The following GCDH variants were observed in gnomAD, a reference collection of about 807,000 sequenced individuals.
GCDH encodes glutaryl-CoA dehydrogenase, also known as glutaryl-CoA dehydrogenase, mitochondrial.
GCDH carries 31 observed loss-of-function variants against 52.8 expected under a neutral mutation model. That is an observed-to-expected ratio of 0.59 (90% CI 0.44 to 0.79). The LOEUF is 0.79. Ranked by LOEUF, GCDH falls within the 30% of genes least tolerant of loss-of-function variation. The pLI is 0.00. For synonymous variants in GCDH, 242 were observed against 250.0 expected (o/e 0.97, Z 0.30); for missense variants, 509 against 595.0 (o/e 0.86, Z 1.50).
chr19:12,894,215 A>C, intron 6 of GCDH: 2 of 1,416,964 alleles, frequency 1.4e-6, no homozygotes, highest in Non-Finnish European at 2.0e-6. Flanking sequence ...TGTACTTTTT[A>C]TGAGAAGCGT....
intron 3 of GCDH, 102 bp from the exon 4 acceptor site, chr19:12,891,729 C>G: frequency 1.2e-6 from 2 of 1,606,512 alleles, no homozygotes; most frequent in Non-Finnish European, 1.7e-6. Context: ...CTCGCACTAG[C>G]CGGGGGGCGA....
At position 12,896,539 on chromosome 19, in the gene GCDH, T is replaced by A. The variant is rs1243641887; in HGVS notation, c.852+118T>A. The A allele has an allele frequency of 6.0e-6, 5 of 832,690 alleles. No individual in the cohort carries two copies. The highest frequency in any genetic ancestry group is 9.9e-6 in the Non-Finnish European group (5 of 504,992). 51.6% of individuals were successfully genotyped at this position (832,690 alleles called of 1,614,324 possible). The stretch of plus-strand genomic sequence containing the variant: ...CCTGTGGAGCCCACACAGTGGTGAT[T>A]CTTACTCAGCCGGACTCGCTGACGT... On this transcript the variant is annotated intron_variant, in intron 8 of 11. Coordinates refer to ENST00000222214, the MANE Select transcript of GCDH (RefSeq NM_000159.4). The surrounding 1 kb of genome is among the most constrained non-coding windows in gnomAD (Gnocchi z 5.5).
intron 6 of GCDH, 105 bp from the exon 7 acceptor site, chr19:12,895,887 T>C (rs1970663132): frequency 7.0e-7 from 1 of 1,430,666 alleles, no homozygotes; most frequent in Non-Finnish European, 9.7e-7. Flanking sequence ...CCTAAAGTGC[T>C]GGGATGACAG....
intron 6 of GCDH, among the ~76,000 whole-genome samples, chr19:12,895,324 A>G (rs769499660): frequency 1.3e-5 from 2 of 152,134 alleles, no homozygotes; most frequent in South Asian, 2.1e-4. Context: ...CAGTGGTACA[A>G]TCTTGGCTCA....
chr19:12,898,631 T>C (rs1281406723), intron 11 of GCDH, among the ~76,000 whole-genome samples: 1 of 151,386 alleles, frequency 6.6e-6, no homozygotes, highest in Non-Finnish European at 1.5e-5. Context: ...TTTGGTGCTT[T>C]AGGGGCTCGG....
chr19:12,897,273 C>T, intron 9 of GCDH, 30 bp from the exon 10 acceptor site: 1 of 1,613,160 alleles, frequency 6.2e-7, no homozygotes, highest in East Asian at 2.2e-5. Flanking sequence ...TGGGCCTCCC[C>T]TCGCTCTTAC....
intron 11 of GCDH, 179 bp downstream of exon 11, chr19:12,898,042 G>A: frequency 1.6e-6 from 1 of 642,662 alleles, no homozygotes; most frequent in Non-Finnish European, 2.8e-6. Flanking sequence ...GACTGTGGAA[G>A]TGAAGTGCTT....
chr19:12,895,984 G>T lies in GCDH; in HGVS notation c.506-8G>T, dbSNP rs376016112. ...AGGCAGCCTTGTGACTTTGTCTTGT[G>T]CCTGCAGCCAAGGGGGAGCTCCTGG... On this transcript the variant is annotated splice_region_variant and splice_polypyrimidine_tract_variant and intron_variant, in intron 6 of 11. Coordinates refer to ENST00000222214, the MANE Select transcript of GCDH (RefSeq NM_000159.4). The T allele has an allele frequency of 2.9e-5, 46 of 1,613,920 alleles. 1 individual carries two copies. In the African/African-American group the frequency reaches 4.1e-4, roughly 14 times the overall value.
rs1265074984 is a variant in GCDH at position 12,896,352 on chromosome 19, A to G, written c.783A>G (p.Thr261=). ...QGKFSLRASA[T]GMIIMDGVEV... ...AGTTCTCGCTGCGGGCCTCAGCCAC[A>G]GGCATGATCATCATGGACGGTGTGG... The change falls in exon 8 of 12, where the codon ACA becomes ACG. Residue 261 remains threonine, a synonymous_variant. Coordinates refer to ENST00000222214, the MANE Select transcript of GCDH (RefSeq NM_000159.4). This position sits in a 1 kb window ranked among gnomAD's most constrained non-coding sequence, Gnocchi z 5.5. 3.1e-6 allele frequency: 5 copies of G among 1,614,138 alleles called. No individual in the cohort carries two copies. The highest frequency in any genetic ancestry group is 4.2e-6 in the Non-Finnish European group (5 of 1,180,012).
chr19:12,896,280 G>A lies in GCDH; in HGVS notation c.711G>A (p.Leu237=), dbSNP rs1970676956. ...AAGATGGCTGCATTCGGGGCTTCCT[G>A]CTGGAGAAGGGGATGCGGGGTCTCT... is the stretch of plus-strand genomic sequence containing the variant. ...RCEDGCIRGF[L]LEKGMRGLSA... Residue 237 remains leucine (L), a synonymous_variant, in exon 8 of 12, where the codon CTG becomes CTA. Transcript: ENST00000222214. The surrounding 1 kb of genome is among the most constrained non-coding windows in gnomAD (Gnocchi z 5.5). 1 of 1,614,072 alleles carries A rather than the reference G, an allele frequency of 6.2e-7. No homozygotes were observed. The highest frequency in any genetic ancestry group is 8.5e-7 in the Non-Finnish European group (1 of 1,180,044).
chr19:12,892,138 G>A lies in GCDH; in HGVS notation c.294G>A (p.Ser98=), dbSNP rs774554314. The A allele has an allele frequency of 8.7e-6, 14 of 1,614,172 alleles. No homozygotes were observed. The East Asian group carries it at 1.3e-4, about 15-fold the overall frequency. The change falls in exon 5 of 12, where the codon TCG becomes TCA. Residue 98 remains serine (S), a synonymous_variant. Transcript: ENST00000222214. ...CAGTTTTTCATCGGGAGATCATTTC[G>A]GAGATGGGGGAGTTGGGTGTGCTGG... ...RNEVFHREII[S]EMGELGVLGP...
intron 6 of GCDH, among the ~76,000 whole-genome samples, chr19:12,895,663 G>C (rs567454979): frequency 6.6e-6 from 1 of 151,920 alleles, no homozygotes; most frequent in Non-Finnish European, 1.5e-5. Context: ...CCAGGCTGTA[G>C]TGCAGTGGCA....
intron 11 of GCDH, 136 bp from the exon 12 acceptor site, chr19:12,899,332 C>T (rs371416403): frequency 2.4e-5 from 39 of 1,612,630 alleles, no homozygotes; most frequent in East Asian, 6.7e-5. Flanking sequence ...GTGAGTCTCC[C>T]GGCAGCTGTC....
Position 12,899,710 on chromosome 19 carries a change from G to A in GCDH, c.*169G>A, listed in dbSNP as rs1363224173. 1.9e-6 allele frequency: 3 copies of A among 1,612,294 alleles called. No individual in the cohort carries two copies. The South Asian group carries it at 3.3e-5, about 18-fold the overall frequency. ...ATTTCCCTTCTGAAGTCGTTCAGATGTGTTCCTTAAAAAGAAGATGGAATT... is the reference window on the plus strand; with the variant it reads ...ATTTCCCTTCTGAAGTCGTTCAGATATGTTCCTTAAAAAGAAGATGGAATT... On this transcript the variant is annotated 3_prime_UTR_variant, in exon 12 of 12. Coordinates refer to ENST00000222214, the MANE Select transcript of GCDH (RefSeq NM_000159.4).
intron 4 of GCDH, 69 bp downstream of exon 4, chr19:12,892,043 C>T (rs1970571134): frequency 3.7e-6 from 6 of 1,612,544 alleles, no homozygotes; most frequent in Non-Finnish European, 5.1e-6. Context: ...ACCTCAAGGC[C>T]CCTCTGTCCT....
intron 5 of GCDH, chr19:12,892,411 C>T (rs920724776): frequency 2.0e-5 from 12 of 595,564 alleles, no homozygotes; most frequent in Non-Finnish European, 3.0e-5. Flanking sequence ...CCTGCCTCCA[C>T]CCCTCTAGTA....
intron 11 of GCDH, 182 bp from the exon 12 acceptor site, chr19:12,899,286 G>T: frequency 6.8e-7 from 1 of 1,461,070 alleles, no homozygotes; most frequent in Non-Finnish European, 9.6e-7. Context: ...CCAAATGGTG[G>T]CCTCACAGTC....
chr19:12,891,554 T>C (rs1234047226), intron 3 of GCDH, 32 bp downstream of exon 3: 1 of 1,614,124 alleles, frequency 6.2e-7, no homozygotes. Context: ...GTGTGTCTGC[T>C]GCCCCTGTTC....
At chr19:12,892,740 G>A (rs1028662796) in intron 5 of GCDH, among the ~76,000 whole-genome samples, 3 of 151,598 alleles carry the variant, frequency 2.0e-5, no homozygotes, top group Admixed American at 6.6e-5. Context: ...CCGCCACCAC[G>A]CCTGGCTAAT....
Sources: allele counts gnomAD v4.1 joint callset (sites outside exome capture counted in the v4.1 genomes callset), GRCh38; gene constraint gnomAD v4.1.1; non-coding constraint Gnocchi (gnomAD v3.1); transcripts MANE v1.5; gene names NCBI Gene and HGNC (gene_info 2026-07-23, HGNC 2026-07-21).